Variants in ZNF536 observed in about 807,000 individuals in gnomAD.
ZNF536 encodes the protein zinc finger protein 536.
Under a neutral mutation model 84.5 loss-of-function variants are expected in ZNF536, and 13 were observed. The ratio of observed to expected loss-of-function variants is 0.15; its 90% confidence interval spans 0.10 to 0.24. ZNF536 has a LOEUF of 0.24. Among genes scored for constraint, ZNF536 ranks in the 10% least tolerant of loss-of-function variants. The pLI is 1.00. For missense variants in ZNF536, 1,536 were observed against 1,747.5 expected, an observed-to-expected ratio of 0.88 and a Z score of 2.16; for synonymous variants, 811 against 742.5, an observed-to-expected ratio of 1.09 and a Z score of -1.50.
chr19:30,522,275 A>AC (rs2044386252), intron 2 of ZNF536, among the ~76,000 whole-genome samples: 2 of 129,678 alleles, frequency 1.5e-5, no homozygotes, highest in Non-Finnish European at 3.1e-5. Flanking sequence ...ATATATATAC[A>AC]TATATATAAT....
intron 2 of ZNF536, among the ~76,000 whole-genome samples, chr19:30,333,923 A>AT (rs918663479): frequency 1.3e-5 from 2 of 152,170 alleles, no homozygotes; most frequent in Admixed American, 6.5e-5. Flanking sequence ...TGCAAAGATG[A>AT]TTTTTTTAAA....
chr19:30,373,445 A>T (rs948237241), intron 1 of ZNF536, among the ~76,000 whole-genome samples: 8 of 152,134 alleles, frequency 5.3e-5, no homozygotes, highest in African/African-American at 1.9e-4. Context: ...AATGCCTGGA[A>T]AAACAAAACA....
chr19:30,278,906 C>T (rs1373463990), intron 1 of ZNF536, among the ~76,000 whole-genome samples: 1 of 152,142 alleles, frequency 6.6e-6, no homozygotes, highest in African/African-American at 2.4e-5. Flanking sequence ...CCAAAATCTA[C>T]CAGTGGCTCA....
At chr19:30,607,332 G>A (rs997109809) in intron 1 of ZNF536, among the ~76,000 whole-genome samples, 1 of 151,568 alleles carries the variant, frequency 6.6e-6, no homozygotes, top group Non-Finnish European at 1.5e-5. Context: ...TTTGTGATGG[G>A]GATATTTTTA....
intron 3 of ZNF536, among the ~76,000 whole-genome samples, chr19:30,366,755 C>T (rs889655323): frequency 6.6e-6 from 1 of 152,228 alleles, no homozygotes; most frequent in African/African-American, 2.4e-5. Context: ...AGTCCCTGCC[C>T]TCTTGTAGCT....
chr19:30,665,113 G>A (rs62103452), intron 1 of ZNF536, among the ~76,000 whole-genome samples: 7,694 of 152,314 alleles, frequency 0.051, 259 homozygotes, highest in Middle Eastern at 0.11. Flanking sequence ...GGAGGGCGAG[G>A]CAGATGGATG....
chr19:30,403,085 C>T (rs1396290684), intron 1 of ZNF536, among the ~76,000 whole-genome samples: 2 of 151,982 alleles, frequency 1.3e-5, no homozygotes, highest in Non-Finnish European at 2.9e-5. Flanking sequence ...GGATGCTTTG[C>T]GGAGGAGAAC....
intron 1 of ZNF536, among the ~76,000 whole-genome samples, chr19:30,691,477 G>A (rs1474901714): frequency 6.6e-6 from 1 of 152,024 alleles, no homozygotes; most frequent in East Asian, 1.9e-4. Flanking sequence ...ATCAAAGGGG[G>A]TCTCACGCCC....
intron 1 of ZNF536, among the ~76,000 whole-genome samples, chr19:30,230,489 C>T (rs1411431311): frequency 1.3e-5 from 2 of 152,198 alleles, no homozygotes; most frequent in African/African-American, 4.8e-5. Context: ...AACTCAGCAA[C>T]TTAACTGCTG....
In ZNF536 at chr19:30,443,813, T is replaced by C. The variant is rs2148154879; in HGVS notation, c.251T>C (p.Leu84Pro). 6.2e-7 allele frequency: 1 copy of C among 1,613,268 alleles called. No individual in the cohort carries two copies. The highest frequency in any genetic ancestry group is 8.5e-7 in the Non-Finnish European group (1 of 1,179,876). ...CCCATGGGCAGTCAGATGGCGCTCC[T>C]GGCCAACCAGCTGGGCCGGGAGGTG... ...GQPMGSQMAL[L>P]ANQLGREVDT... is the part of the protein sequence containing the mutation. Residue 84 changes from leucine (L) to proline (P), a missense_variant, in exon 2 of 5, where the codon CTG (leucine) becomes CCG (proline). Leu to Pro is a moderately conservative substitution (Grantham distance 98). Around this residue, in one of 8 missense-constraint regions of ZNF536, gnomAD observed 161 missense variants for 178.5 expected, o/e 0.90. Coordinates refer to ENST00000355537, the MANE Select transcript of ZNF536 (RefSeq NM_014717.3).
chr19:30,300,266 C>T (rs553729961), intron 2 of ZNF536, among the ~76,000 whole-genome samples: 6 of 152,172 alleles, frequency 3.9e-5, no homozygotes, highest in East Asian at 1.9e-4. Context: ...AGGAATCTTA[C>T]ATTCACACAG....
intron 1 of ZNF536, among the ~76,000 whole-genome samples, chr19:30,442,045 C>T (rs796122019): frequency 3.9e-5 from 6 of 152,352 alleles, no homozygotes; most frequent in African/African-American, 9.6e-5. Flanking sequence ...TGGGGTTAAG[C>T]GCAGCTCCTG....
intron 1 of ZNF536, among the ~76,000 whole-genome samples, chr19:30,708,513 C>T (rs745445840): frequency 8.5e-5 from 13 of 152,200 alleles, no homozygotes; most frequent in Non-Finnish European, 1.3e-4. Flanking sequence ...TTTAGGCACT[C>T]GCTCTGTTGT....
chr19:30,377,060 G>A (rs1431224606), intron 1 of ZNF536, among the ~76,000 whole-genome samples: 1 of 152,198 alleles, frequency 6.6e-6, no homozygotes, highest in Admixed American at 6.5e-5. Flanking sequence ...ACCCTGGAAG[G>A]GGATGGAGCT....
chr19:30,707,986 G>T (rs118050306), intron 1 of ZNF536, among the ~76,000 whole-genome samples: 1 of 146,392 alleles, frequency 6.8e-6, no homozygotes, highest in Non-Finnish European at 1.5e-5. Flanking sequence ...ATTGCAGCCT[G>T]GGTAACAGAG....
At chr19:30,520,378 A>C (rs11668658) in intron 2 of ZNF536, among the ~76,000 whole-genome samples, 14,689 of 151,928 alleles carry the variant, frequency 0.097, 971 homozygotes, top group Non-Finnish European at 0.15. Context: ...ATGAATGGGG[A>C]GCTCTTTGGA....
At chr19:30,529,262 G>A (rs1356251030) in intron 2 of ZNF536, among the ~76,000 whole-genome samples, 1 of 152,128 alleles carries the variant, frequency 6.6e-6, no homozygotes, top group East Asian at 1.9e-4. Flanking sequence ...TATAAATAAG[G>A]TTAAGTGTGT....
intron 1 of ZNF536, among the ~76,000 whole-genome samples, chr19:30,424,051 G>A (rs976493427): frequency 1.2e-4 from 19 of 152,356 alleles, no homozygotes; most frequent in African/African-American, 4.3e-4. Context: ...CTTGCTGTGA[G>A]TATGCAAGGG....
At chr19:30,226,881 G>T, upstream of ZNF536, among the ~76,000 whole-genome samples, 1 of 151,384 alleles carries the variant, frequency 6.6e-6, no homozygotes. The surrounding 1 kb of genome is among the most constrained non-coding windows in gnomAD (Gnocchi z 4.6). Flanking sequence ...ACTGGGGTAG[G>T]AATGATCTTT....
Sources: gnomAD v4.1 joint callset for allele counts (sites outside exome capture counted in the v4.1 genomes callset) on GRCh38, gnomAD v4.1.1 for gene constraint, gnomAD v4.1.1 regional missense constraint, Gnocchi (gnomAD v3.1) non-coding constraint, MANE v1.5 for transcripts, NCBI Gene and HGNC (gene_info 2026-07-23, HGNC 2026-07-21) for gene names.